Variants in HORMAD2 observed in about 807,000 individuals in gnomAD.
The protein encoded by HORMAD2 is HORMA domain-containing protein 2.
In HORMAD2, 45 loss-of-function variants were observed where a neutral mutation model predicts 38.8. That is an observed-to-expected ratio of 1.16 (90% CI 0.91 to 1.49). The LOEUF is 1.49. HORMAD2 is among the 40% of genes most tolerant of loss of function. The probability of loss-of-function intolerance (pLI) is 0.00; values close to 1 mark genes in which losing one functional copy is unlikely to be tolerated. For synonymous variants in HORMAD2, 126 were observed against 122.8 expected (o/e 1.03, Z -0.17); for missense variants, 338 against 367.0 (o/e 0.92, Z 0.65).
At chr22:30,151,507 A>G (rs1280881757) in intron 10 of HORMAD2, among the ~76,000 whole-genome samples, 5 of 152,232 alleles carry the variant, frequency 3.3e-5, no homozygotes, top group Non-Finnish European at 5.9e-5. Flanking sequence ...GAATTTCAAC[A>G]TGAAAAATAC....
At chr22:30,161,475 G>T (rs1000766213) in intron 10 of HORMAD2, among the ~76,000 whole-genome samples, 2 of 152,120 alleles carry the variant, frequency 1.3e-5, no homozygotes, top group Non-Finnish European at 2.9e-5. Context: ...TCATGTCATT[G>T]CCTGTAAATT....
At chr22:30,129,416 T>C (rs535931405) in intron 10 of HORMAD2, among the ~76,000 whole-genome samples, 2 of 152,058 alleles carry the variant, frequency 1.3e-5, no homozygotes, top group Non-Finnish European at 2.9e-5. Context: ...AGAAATAATA[T>C]TAACTAACAA....
intron 4 of HORMAD2, among the ~76,000 whole-genome samples, chr22:30,103,938 G>C (rs1283480136): frequency 6.6e-6 from 1 of 151,486 alleles, no homozygotes; most frequent in African/African-American, 2.4e-5. Flanking sequence ...GGGACTACAG[G>C]TGTGAGCCAC....
the HORMAD2 span, among the ~76,000 whole-genome samples, chr22:30,203,503 T>A: frequency 0.059 from 8,903 of 152,062 alleles, 296 homozygotes; most frequent in South Asian, 0.1. Flanking sequence ...CTGCCCCCAC[T>A]GTCCATCCTT....
intron 5 of HORMAD2, among the ~76,000 whole-genome samples, chr22:30,109,100 CTGCAACCTCTG>C (rs1187322399): frequency 2.3e-4 from 35 of 150,830 alleles, no homozygotes; most frequent in Admixed American, 1.3e-4. Context: ...TCTTGGCTCA[CTGCAACCTCTG>C]CCTCCCGGGT....
chr22:30,186,803 CT>C, the HORMAD2 span, among the ~76,000 whole-genome samples: 1 of 151,724 alleles, frequency 6.6e-6, no homozygotes, highest in East Asian at 1.9e-4. Context: ...GTCAAGGATC[CT>C]TTCAGTTCTG....
At chr22:30,103,789 G>A (rs1412617825) in intron 4 of HORMAD2, among the ~76,000 whole-genome samples, 5 of 149,446 alleles carry the variant, frequency 3.3e-5, no homozygotes, top group Non-Finnish European at 7.4e-5. Context: ...AGCCTCCCGG[G>A]TAGCTGGGAC....
At chr22:30,165,345 T>G (rs1006609185) in intron 10 of HORMAD2, among the ~76,000 whole-genome samples, 1 of 152,182 alleles carries the variant, frequency 6.6e-6, no homozygotes, top group African/African-American at 2.4e-5. Context: ...ATGTGAGACC[T>G]CCAACTTTGT....
the HORMAD2 span, among the ~76,000 whole-genome samples, chr22:30,205,378 G>A: frequency 2.4e-4 from 36 of 152,304 alleles, no homozygotes; most frequent in African/African-American, 8.2e-4. Context: ...CAGGGAGCCA[G>A]AACACCCTGG....
intron 5 of HORMAD2, among the ~76,000 whole-genome samples, chr22:30,105,915 G>A (rs146652386): frequency 0.029 from 4,476 of 152,282 alleles, 94 homozygotes; most frequent in Non-Finnish European, 0.042. Flanking sequence ...TATCTAGTCC[G>A]AACGTTGCTT....
At chr22:30,192,417 G>A in the HORMAD2 span, among the ~76,000 whole-genome samples, 1 of 152,168 alleles carries the variant, frequency 6.6e-6, no homozygotes, top group Non-Finnish European at 1.5e-5. Context: ...AGGAACAGAG[G>A]AGTGACTGCT....
At chr22:30,093,865 G>C in intron 1 of HORMAD2, 51 bp from the exon 2 acceptor site, 1 of 874,960 alleles carries the variant, frequency 1.1e-6, no homozygotes, top group Non-Finnish European at 1.8e-6. Context: ...GAGTAAGAGA[G>C]GAAGCATTAT....
At chr22:30,127,946 G>T (rs990144700) in intron 10 of HORMAD2, among the ~76,000 whole-genome samples, 16 of 152,010 alleles carry the variant, frequency 1.1e-4, no homozygotes, top group Non-Finnish European at 2.2e-4. Flanking sequence ...CAAATCTAGC[G>T]CTGTTACCAC....
At chr22:30,206,027 C>A in the HORMAD2 span, among the ~76,000 whole-genome samples, 1 of 152,156 alleles carries the variant, frequency 6.6e-6, no homozygotes, top group African/African-American at 2.4e-5. Context: ...CAACCTAACA[C>A]AAGTCATTGC....
intron 10 of HORMAD2, among the ~76,000 whole-genome samples, chr22:30,135,639 G>A (rs1209404485): frequency 6.6e-6 from 1 of 152,118 alleles, no homozygotes; most frequent in African/African-American, 2.4e-5. Flanking sequence ...AGCTCTCACA[G>A]GGATGGGAGA....
chr22:30,150,774 C>A (rs932387344), intron 10 of HORMAD2, among the ~76,000 whole-genome samples: 7 of 152,230 alleles, frequency 4.6e-5, no homozygotes, highest in Non-Finnish European at 1.0e-4. Flanking sequence ...GACTGAGGGT[C>A]TCTGCATTCA....
chr22:30,092,047 T>C (rs975194540), intron 1 of HORMAD2, among the ~76,000 whole-genome samples: 1 of 150,836 alleles, frequency 6.6e-6, no homozygotes, highest in African/African-American at 2.4e-5. Flanking sequence ...TGGCTAATTT[T>C]TTTTTTTTTT....
chr22:30,115,883 A>G (rs1187990217), intron 7 of HORMAD2, among the ~76,000 whole-genome samples: 1 of 152,142 alleles, frequency 6.6e-6, no homozygotes, highest in African/African-American at 2.4e-5. Context: ...GCTGAGATGA[A>G]TAACCAGAAG....
At chr22:30,187,352 G>A in the HORMAD2 span, among the ~76,000 whole-genome samples, 1 of 152,142 alleles carries the variant, frequency 6.6e-6, no homozygotes, top group Non-Finnish European at 1.5e-5. Flanking sequence ...GTAAAGGTAG[G>A]ATTTGAACCA....
Sources: allele counts gnomAD v4.1 joint callset (sites outside exome capture counted in the v4.1 genomes callset), GRCh38; gene constraint gnomAD v4.1.1; transcripts MANE v1.5; gene names NCBI Gene and HGNC (gene_info 2026-07-23, HGNC 2026-07-21).